Variants in ADGRV1 observed in about 807,000 individuals in gnomAD.
ADGRV1 encodes the protein adhesion G protein-coupled receptor V1, also known as G-protein coupled receptor 98.
ADGRV1 carries 359 observed loss-of-function variants against 596.2 expected under a neutral mutation model. The ratio of observed to expected loss-of-function variants is 0.60; its 90% CI spans 0.55 to 0.66. ADGRV1 has a LOEUF of 0.66. Among genes scored for constraint, ADGRV1 ranks in the 30% least tolerant of loss-of-function variants. The pLI is 0.00. For missense variants in ADGRV1, 7,274 were observed against 7,575.6 expected, an observed-to-expected ratio of 0.96 and a Z score of 1.48; for synonymous variants, 2,681 against 2,679.2, an observed-to-expected ratio of 1.00 and a Z score of -0.02.
chr5:90,760,637 T>C (rs1288418465), intron 58 of ADGRV1, among the ~76,000 whole-genome samples: 3 of 152,156 alleles, frequency 2.0e-5, no homozygotes, highest in Non-Finnish European at 4.4e-5. Flanking sequence ...CTGTTGTGAC[T>C]TATGTAGAAA....
intron 31 of ADGRV1, among the ~76,000 whole-genome samples, chr5:90,691,387 T>TC (rs1277572763): frequency 3.4e-5 from 5 of 147,434 alleles, no homozygotes; most frequent in South Asian, 2.1e-4. Flanking sequence ...CTTTTTTCTT[T>TC]TTTTTTTTTT....
At chr5:90,562,881 A>G (rs1755046258) in intron 1 of ADGRV1, among the ~76,000 whole-genome samples, 1 of 152,128 alleles carries the variant, frequency 6.6e-6, no homozygotes, top group African/African-American at 2.4e-5. Context: ...TTTGAAGATT[A>G]TGTTTTCTGG....
At chr5:91,158,136 A>T (rs1051253791) in intron 89 of ADGRV1, among the ~76,000 whole-genome samples, 3 of 152,236 alleles carry the variant, frequency 2.0e-5, no homozygotes, top group African/African-American at 7.2e-5. Context: ...CATGTATCTG[A>T]TAATTTTCTA....
At chr5:90,799,404 AC>A (rs1235069925) in intron 70 of ADGRV1, among the ~76,000 whole-genome samples, 1 of 152,204 alleles carries the variant, frequency 6.6e-6, no homozygotes, top group Non-Finnish European at 1.5e-5. Context: ...ACAACCACAA[AC>A]CACTGCTCAA....
chr5:90,611,933 C>T (rs1224896873), intron 1 of ADGRV1, among the ~76,000 whole-genome samples: 2 of 151,888 alleles, frequency 1.3e-5, no homozygotes, highest in Non-Finnish European at 2.9e-5. Flanking sequence ...ATTTTCAAAG[C>T]TTTTTTTAAT....
In ADGRV1 at chr5:90,614,899, A is replaced by T. The variant is rs1056756258; in HGVS notation, c.87A>T (p.Gly29=). 6.8e-6 allele frequency: 11 copies of T among 1,608,366 alleles called. No homozygotes were observed. Among genetic ancestry groups the T allele is most frequent in the Non-Finnish European group, 9.4e-6 (11 of 1,176,316 alleles). ...LSALLILFVF[G]ETEIRFTGQT... is the part of the protein sequence containing the mutation. The stretch of plus-strand genomic sequence containing the variant: ...CTTTACTCATCCTATTTGTGTTTGG[A>T]GAAACAGAAATAAGATTTACTGGAC... Residue 29 remains glycine (G), a synonymous_variant, in exon 2 of 90, where the codon GGA becomes GGT. Transcript: ENST00000405460.
intron 86 of ADGRV1, among the ~76,000 whole-genome samples, chr5:91,097,357 T>G (rs973795402): frequency 6.6e-6 from 1 of 152,222 alleles, no homozygotes; most frequent in Non-Finnish European, 1.5e-5. Context: ...ACCTTCTAAT[T>G]TTATCATTGG....
At chr5:90,596,403 G>A (rs1374765895) in intron 1 of ADGRV1, among the ~76,000 whole-genome samples, 1 of 151,806 alleles carries the variant, frequency 6.6e-6, no homozygotes, top group Non-Finnish European at 1.5e-5. Context: ...CCGGGCAGAG[G>A]CTGCAATCTC....
chr5:90,567,543 C>T (rs530363343), intron 1 of ADGRV1, among the ~76,000 whole-genome samples: 121 of 151,624 alleles, frequency 8.0e-4, no homozygotes, highest in South Asian at 2.1e-3. Flanking sequence ...TTTGGATGTT[C>T]GTATCTTCCT....
At chr5:91,020,859 G>A (rs34824169) in intron 85 of ADGRV1, among the ~76,000 whole-genome samples, 1,994 of 152,082 alleles carry the variant, frequency 0.013, 13 homozygotes, top group Non-Finnish European at 0.022. Context: ...TATTTAAGGG[G>A]TACTGACTTT....
At chr5:90,958,283 CAAAAAAAAA>C (rs34676985) in intron 83 of ADGRV1, among the ~76,000 whole-genome samples, 1 of 72,840 alleles carries the variant, frequency 1.4e-5, no homozygotes, top group African/African-American at 4.9e-5. Flanking sequence ...GACCTTGTCT[CAAAAAAAAA>C]AAAAAAAAAA....
chr5:90,672,416 G>A (rs115233910), intron 21 of ADGRV1, 130 bp from the exon 22 acceptor site: 3 of 602,242 alleles, frequency 5.0e-6, no homozygotes, highest in South Asian at 3.0e-5. Context: ...CAGAGGCCTC[G>A]TTAGTCCCTT....
intron 42 of ADGRV1, among the ~76,000 whole-genome samples, chr5:90,715,749 TC>T (rs1750018004): frequency 6.6e-6 from 1 of 152,126 alleles, no homozygotes; most frequent in African/African-American, 2.4e-5. Flanking sequence ...GTGCACCAGG[TC>T]TGCCACTTCC....
chr5:91,099,327 C>T (rs1053467965), intron 86 of ADGRV1, among the ~76,000 whole-genome samples: 1 of 152,044 alleles, frequency 6.6e-6, no homozygotes, highest in Admixed American at 6.5e-5. Context: ...TCCCTCTTTG[C>T]CTCCTCTCCT....
At chr5:90,993,366 C>T (rs1428463108) in intron 85 of ADGRV1, among the ~76,000 whole-genome samples, 1 of 151,884 alleles carries the variant, frequency 6.6e-6, no homozygotes, top group African/African-American at 2.4e-5. Context: ...ACCATATTGG[C>T]CAGGCTGGTC....
At chr5:91,064,264 A>G (rs1787694876) in intron 85 of ADGRV1, among the ~76,000 whole-genome samples, 3 of 152,230 alleles carry the variant, frequency 2.0e-5, no homozygotes, top group Admixed American at 1.3e-4. Context: ...TAACTTGAAT[A>G]TGTCTATACT....
chr5:91,091,210 T>C (rs1790356190), intron 86 of ADGRV1, among the ~76,000 whole-genome samples: 1 of 152,160 alleles, frequency 6.6e-6, no homozygotes, highest in Non-Finnish European at 1.5e-5. Flanking sequence ...AGTGTCTCTA[T>C]GGGAATGTTA....
Position 90,653,312 on chromosome 5 carries a change from A to G in ADGRV1, c.3738A>G (p.Pro1246=), listed in dbSNP as rs1163969756. The G allele has an allele frequency of 1.9e-6, 3 of 1,613,960 alleles. No homozygotes were observed. The Admixed American group carries it at 5.0e-5, about 27-fold the overall frequency. ...CCTTTGGAGTTTTTATCTTGGATCC[A>G]GAGTGTTTAGAGAGAGAAGTGGCAG... The part of the protein sequence containing the change: ...DDPFGVFILD[P]ECLEREVAED... Residue 1246 remains proline, a synonymous_variant, in exon 20 of 90, where the codon CCA becomes CCG. Transcript: ENST00000405460.
At chr5:90,963,414 C>T (rs1778187818) in intron 83 of ADGRV1, among the ~76,000 whole-genome samples, 1 of 151,792 alleles carries the variant, frequency 6.6e-6, no homozygotes, top group Non-Finnish European at 1.5e-5. Flanking sequence ...AAAATATAAG[C>T]ATAATCTCTA....
Sources: gnomAD v4.1 joint callset for allele counts (sites outside exome capture counted in the v4.1 genomes callset) on GRCh38, gnomAD v4.1.1 for gene constraint, MANE v1.5 for transcripts, NCBI Gene and HGNC (gene_info 2026-07-23, HGNC 2026-07-21) for gene names.